The following SUN3 variants were observed in gnomAD, a reference collection of about 807,000 sequenced individuals.
SUN3 encodes the protein Sad1 and UNC84 domain containing 3.
In SUN3, 36 loss-of-function variants were observed where a neutral mutation model predicts 48.2. The observed-to-expected ratio is 0.75, with a 90% CI of 0.57 to 0.99. The LOEUF (loss-of-function observed/expected upper bound fraction) is 0.99. Ranked by LOEUF, SUN3 falls within the 50% of genes least tolerant of loss-of-function variation. SUN3 has a pLI of 0.00. For missense variants in SUN3, 419 were observed against 433.1 expected (o/e 0.97, Z 0.29); for synonymous variants, 148 against 147.9 (o/e 1.00, Z 0.00).
chr7:48,021,118 G>T (rs543050627), intron 2 of SUN3, among the ~76,000 whole-genome samples: 2 of 151,352 alleles, frequency 1.3e-5, no homozygotes, highest in Non-Finnish European at 3.0e-5. Context: ...CCCCTACAGA[G>T]AACTCATTTT....
intron 3 of SUN3, among the ~76,000 whole-genome samples, chr7:48,011,455 C>T (rs1178576007): frequency 3.3e-5 from 5 of 152,156 alleles, no homozygotes; most frequent in African/African-American, 9.7e-5. Flanking sequence ...ACTTCTTATA[C>T]GTTCTCCTCA....
intron 3 of SUN3, among the ~76,000 whole-genome samples, chr7:48,014,754 T>C (rs1057389896): frequency 6.6e-6 from 1 of 152,156 alleles, no homozygotes; most frequent in African/African-American, 2.4e-5. Context: ...CAAGCCAATG[T>C]ATATATAGAG....
intron 7 of SUN3, among the ~76,000 whole-genome samples, chr7:47,994,948 G>C (rs903111646): frequency 6.6e-6 from 1 of 152,014 alleles, no homozygotes; most frequent in Non-Finnish European, 1.5e-5. Context: ...TGGTAGTAAT[G>C]GTAGTGGTGG....
At chr7:47,992,545 G>T (rs1583742883) in intron 8 of SUN3, among the ~76,000 whole-genome samples, 1 of 152,262 alleles carries the variant, frequency 6.6e-6, no homozygotes, top group African/African-American at 2.4e-5. Flanking sequence ...GCAGAAAAGG[G>T]AAAGAAGAAA....
intron 2 of SUN3, among the ~76,000 whole-genome samples, chr7:48,023,455 A>G (rs1338399578): frequency 6.6e-6 from 1 of 152,152 alleles, no homozygotes; most frequent in Admixed American, 6.5e-5. Flanking sequence ...GATCAGAATC[A>G]AAAGAGTGCA....
intron 9 of SUN3, among the ~76,000 whole-genome samples, chr7:47,987,657 C>T (rs1788938250): frequency 6.6e-6 from 1 of 152,062 alleles, no homozygotes; most frequent in African/African-American, 2.4e-5. Context: ...GCTCAGACCC[C>T]CGAGTAGCTG....
At chr7:47,989,507 AT>A (rs1788993082) in intron 8 of SUN3, among the ~76,000 whole-genome samples, 1 of 152,214 alleles carries the variant, frequency 6.6e-6, no homozygotes, top group African/African-American at 2.4e-5. Flanking sequence ...AAACTAATTT[AT>A]TTTGTGAATC....
chr7:48,022,840 T>C (rs1467073959), intron 2 of SUN3, among the ~76,000 whole-genome samples: 4 of 152,028 alleles, frequency 2.6e-5, no homozygotes, highest in African/African-American at 9.7e-5. Flanking sequence ...CTTCAGAAAC[T>C]ATAGAGGCCA....
At chr7:48,025,449 C>T (rs530395988) in intron 2 of SUN3, among the ~76,000 whole-genome samples, 227 of 152,072 alleles carry the variant, frequency 1.5e-3, no homozygotes, top group Non-Finnish European at 2.5e-3. Flanking sequence ...TGATATTTCC[C>T]GATACGAAAC....
chr7:48,034,552 T>A, the SUN3 span, among the ~76,000 whole-genome samples: 1 of 152,176 alleles, frequency 6.6e-6, no homozygotes, highest in South Asian at 2.1e-4. Context: ...CCCCTCAAAC[T>A]CTCACAAGCG....
chr7:48,034,800 T>A, the SUN3 span, among the ~76,000 whole-genome samples: 3 of 152,218 alleles, frequency 2.0e-5, no homozygotes, highest in Admixed American at 1.3e-4. Flanking sequence ...GCCAAGTGTT[T>A]GGAGTTCTAA....
chr7:48,022,358 C>T (rs1408647761), intron 2 of SUN3, among the ~76,000 whole-genome samples: 1 of 152,056 alleles, frequency 6.6e-6, no homozygotes, highest in Admixed American at 6.6e-5. Context: ...TTTGACAACA[C>T]AATGGGTGAC....
At chr7:48,003,474 T>C (rs1266223659) in intron 6 of SUN3, among the ~76,000 whole-genome samples, 1 of 152,236 alleles carries the variant, frequency 6.6e-6, no homozygotes, top group African/African-American at 2.4e-5. Context: ...AAGAATAGCA[T>C]TGGATCTATA....
At chr7:48,015,162 C>T (rs1044724368) in intron 3 of SUN3, among the ~76,000 whole-genome samples, 1 of 152,190 alleles carries the variant, frequency 6.6e-6, no homozygotes, top group African/African-American at 2.4e-5. Flanking sequence ...GCCACCATGA[C>T]CACTCTGCGT....
At chr7:48,035,307 G>A in the SUN3 span, among the ~76,000 whole-genome samples, 1 of 128,450 alleles carries the variant, frequency 7.8e-6, no homozygotes, top group Non-Finnish European at 1.6e-5. This position sits in a 1 kb window ranked among gnomAD's most constrained non-coding sequence, Gnocchi z 4.0. Flanking sequence ...TCCCACCCCC[G>A]CTGCGTCCCG....
intron 1 of SUN3, 74 bp from the exon 2 acceptor site, chr7:48,026,012 C>T (rs1034923359): frequency 1.1e-6 from 1 of 952,044 alleles, no homozygotes; most frequent in Non-Finnish European, 1.6e-6. Context: ...TTAGCCACTA[C>T]ACTCACGTCA....
At chr7:48,013,998 C>G (rs971718717) in intron 3 of SUN3, among the ~76,000 whole-genome samples, 14 of 152,278 alleles carry the variant, frequency 9.2e-5, no homozygotes, top group African/African-American at 3.4e-4. Context: ...CAGAGTCTTG[C>G]TTTATCACTC....
intron 4 of SUN3, among the ~76,000 whole-genome samples, chr7:48,008,584 C>T (rs1165800933): frequency 6.6e-6 from 1 of 152,128 alleles, no homozygotes; most frequent in Non-Finnish European, 1.5e-5. Context: ...TCAAGGAATG[C>T]TCCATAGAAG....
chr7:48,023,897 C>T (rs1321853199), intron 2 of SUN3, among the ~76,000 whole-genome samples: 2 of 152,164 alleles, frequency 1.3e-5, no homozygotes, highest in Non-Finnish European at 2.9e-5. Flanking sequence ...GACATATAGA[C>T]TAATGGGCTA....
Sources: allele counts gnomAD v4.1 joint callset (sites outside exome capture counted in the v4.1 genomes callset), GRCh38; gene constraint gnomAD v4.1.1; non-coding constraint Gnocchi (gnomAD v3.1); transcripts MANE v1.5; gene names NCBI Gene and HGNC (gene_info 2026-07-23, HGNC 2026-07-21).